The following ITGB5 variants were observed in gnomAD, a reference collection of about 807,000 sequenced individuals.
The protein encoded by ITGB5 is integrin subunit beta 5, also known as integrin beta-5.
In ITGB5, 38 loss-of-function variants were observed where a neutral mutation model predicts 84.8. The observed-to-expected ratio is 0.45, with a 90% CI of 0.35 to 0.59. The LOEUF is 0.59. Among genes scored for constraint, ITGB5 ranks in the 20% least tolerant of loss-of-function variants. The pLI, the probability that ITGB5 is intolerant of heterozygous loss-of-function variation, is 0.01. For missense variants in ITGB5, 905 were observed against 1,034.5 expected (o/e 0.87, Z 1.72); for synonymous variants, 393 against 414.4 (o/e 0.95, Z 0.63).
Position 124,873,459 on chromosome 3 carries a change from C to T in ITGB5, c.143G>A (p.Trp48Ter), listed in dbSNP as rs939109402. The T allele has an allele frequency of 6.2e-7, 1 of 1,612,836 alleles. No homozygotes were observed. The highest frequency in any genetic ancestry group is 1.3e-5 in the African/African-American group (1 of 74,872). ...CCACCTACATACCTCTTTGGAGCAC[C>T]AGGCACATTTTGGGTGGATTAGCAG... ...ECLLIHPKCAWCSKEDFGSPR... is the reference protein window; with the variant it reads ...ECLLIHPKCA The change falls in exon 2 of 15, where the codon TGG becomes TAG. Residue 48 changes from tryptophan (W) to a stop codon, truncating the protein, a stop_gained. Transcript: ENST00000296181. LOFTEE classifies it high-confidence loss of function.
chr3:124,792,320 TAAAC>T (rs1489143146), intron 10 of ITGB5: 1 of 152,156 alleles, frequency 6.6e-6, no homozygotes, highest in Non-Finnish European at 1.5e-5. Context: ...TAGAAGGAAA[TAAAC>T]TAATCTCTTA....
At chr3:124,834,568 A>AGGGG (rs1296571992) in intron 5 of ITGB5, among the ~76,000 whole-genome samples, 1 of 50,580 alleles carries the variant, frequency 2.0e-5, no homozygotes, top group African/African-American at 9.5e-5. Flanking sequence ...GGAGGGAGGG[A>AGGGG]GGAAGGAAGG....
rs181509862 is a variant in ITGB5 at position 124,782,526 on chromosome 3, A to T, written c.1694-8614T>A. Among the ~76,000 whole-genome samples, 373 of 152,342 alleles carry T rather than the reference A, an allele frequency of 2.4e-3. 4 individuals carry two copies. The highest frequency in any genetic ancestry group is 3.5e-3 in the Admixed American group (54 of 15,304). ...CTGAGTTAAGGACTGAGAGGGAGTC[A>T]GTGAAGGAAGGCAGCAAGTGTAGAC... On this transcript the variant is annotated intron_variant, in intron 10 of 14. Transcript: ENST00000296181.
At chr3:124,864,308 G>A (rs1579313834) in intron 2 of ITGB5, among the ~76,000 whole-genome samples, 2 of 151,624 alleles carry the variant, frequency 1.3e-5, no homozygotes, top group African/African-American at 2.4e-5. Flanking sequence ...GGGTTTCACC[G>A]TGTTTGCTAG....
In ITGB5 at chr3:124,796,731, C is replaced by G; in HGVS notation, c.1350G>C (p.Arg450=). The change falls in exon 10 of 15, where the codon CGG becomes CGC. Residue 450 remains arginine (R), a synonymous_variant. Coordinates refer to ENST00000296181, the MANE Select transcript of ITGB5 (RefSeq NM_002213.5). ...AGGTGACCCCCACCTCCAGGCTGTC[C>G]CGGAATCCCACCGGCCGCAGGGCAA... ...HVFALRPVGF[R]DSLEVGVTYN... 6.2e-7 allele frequency: 1 copy of G among 1,614,110 alleles called. No homozygotes were observed. The highest frequency in any genetic ancestry group is 8.5e-7 in the Non-Finnish European group (1 of 1,180,040).
rs746791574 is a variant in ITGB5 at position 124,796,364 on chromosome 3, A to T, written c.1693+24T>A. 8 of 1,581,110 alleles carry T rather than the reference A, an allele frequency of 5.1e-6. No individual in the cohort carries two copies. The African/African-American group carries it at 1.1e-4, about 21-fold the overall frequency. ...CGGCATCTTGGCCTGGCTCAGAGCT[A>T]AAGTGCTTGCTGGGGACACTTACCT... On this transcript the variant is annotated intron_variant, in intron 10 of 14. Coordinates refer to ENST00000296181, the MANE Select transcript of ITGB5 (RefSeq NM_002213.5).
At chr3:124,899,286 T>G (rs1935173263) in intron 1 of ITGB5, among the ~76,000 whole-genome samples, 1 of 152,136 alleles carries the variant, frequency 6.6e-6, no homozygotes, top group Non-Finnish European at 1.5e-5. Flanking sequence ...TAAATTTTGT[T>G]GAGGGCTTTT....
rs1408836977 is a variant in ITGB5, at chr3:124,887,098, C to T, written c.-98G>A. ...AGCGCGGGGGCCGAGGGCCGGGGGCCGCAGCCGCATGCCCCGCGCGCAGCT... is the reference window on the plus strand; with the variant it reads ...AGCGCGGGGGCCGAGGGCCGGGGGCTGCAGCCGCATGCCCCGCGCGCAGCT... On this transcript the variant is annotated 5_prime_UTR_variant, in exon 1 of 15. Transcript: ENST00000296181. The T allele has an allele frequency of 3.2e-6, 1 of 313,678 alleles. No homozygotes were observed. Among genetic ancestry groups the T allele is most frequent in the Non-Finnish European group, 4.6e-6 (1 of 218,364 alleles). The allele number at this position is 313,678 out of a possible 1,614,324, so 19.4% of individuals were successfully genotyped here.
intron 5 of ITGB5, 122 bp from the exon 6 acceptor site, chr3:124,821,596 G>T: frequency 1.9e-6 from 2 of 1,069,926 alleles, no homozygotes; most frequent in Non-Finnish European, 1.4e-6. Flanking sequence ...CTTGCCATGT[G>T]TACCTGGGGC....
chr3:124,841,509 G>C lies in ITGB5; in HGVS notation c.654C>G (p.Arg218=), dbSNP rs1416719010. Residue 218 remains arginine (R), a synonymous_variant, in exon 5 of 15, where the codon CGC becomes CGG. Coordinates refer to ENST00000296181, the MANE Select transcript of ITGB5 (RefSeq NM_002213.5). ...FPNCVPSFGF[R]HLLPLTDRVD... is the part of the protein sequence containing the mutation. ...CTCTGTCTGTGAGAGGCAGCAGATG[G>C]CGGAACCCAAAGGAGGGGACGCAAT... 1 of 1,614,176 alleles carries C rather than the reference G, an allele frequency of 6.2e-7. No homozygotes were observed. Among genetic ancestry groups the C allele is most frequent in the Admixed American group, 1.7e-5 (1 of 60,026 alleles).
chr3:124,837,820 C>T (rs1297541779), intron 5 of ITGB5, among the ~76,000 whole-genome samples: 1 of 152,206 alleles, frequency 6.6e-6, no homozygotes, highest in East Asian at 1.9e-4. Context: ...GGGAGATAGG[C>T]CTGTTATCAG....
Position 124,763,556 on chromosome 3 carries a change from C to T in ITGB5, c.*67G>A. ...AGGGAGCTGTGATCAAGCCGAGCAGCCGTGCAAGGCGTTTCAGTCTGACCT... is the reference window on the plus strand; with the variant it reads ...AGGGAGCTGTGATCAAGCCGAGCAGTCGTGCAAGGCGTTTCAGTCTGACCT... On this transcript the variant is annotated 3_prime_UTR_variant, in exon 15 of 15. Coordinates refer to ENST00000296181, the MANE Select transcript of ITGB5 (RefSeq NM_002213.5). The T allele has an allele frequency of 1.1e-6, 1 of 949,654 alleles. No homozygotes were observed. 58.8% of individuals were successfully genotyped at this position (949,654 alleles called of 1,614,324 possible).
At chr3:124,772,163 C>T (rs1369904592) in intron 11 of ITGB5, among the ~76,000 whole-genome samples, 1 of 152,170 alleles carries the variant, frequency 6.6e-6, no homozygotes, top group Admixed American at 6.5e-5. Context: ...GCTCCAGATC[C>T]AGGATCCTAA....
At chr3:124,896,372 C>T (rs566531703) in intron 1 of ITGB5, among the ~76,000 whole-genome samples, 1 of 152,296 alleles carries the variant, frequency 6.6e-6, no homozygotes, top group African/African-American at 2.4e-5. Flanking sequence ...GCCTGCAATG[C>T]TCACTAGGGG....
rs893287962 is a variant in ITGB5 at position 124,762,117 on chromosome 3, A to G, written c.*1506T>C. On this transcript the variant is annotated 3_prime_UTR_variant, in exon 15 of 15. Coordinates refer to ENST00000296181, the MANE Select transcript of ITGB5 (RefSeq NM_002213.5). The stretch of plus-strand genomic sequence containing the variant: ...TATTTACACAAGATGAAGGAAACTC[A>G]ATCTGTTCGTATTTGCCCCAGGTAA... 1.3e-5 allele frequency: 2 copies of G among 152,246 alleles called. No homozygotes were observed. Among genetic ancestry groups the G allele is most frequent in the African/African-American group, 4.8e-5 (2 of 41,474 alleles). 9.4% of individuals were successfully genotyped at this position (152,246 alleles called of 1,614,324 possible). A position where few individuals can be genotyped will look rare whatever the true frequency, so the allele number is the denominator to read the frequency against.
intron 1 of ITGB5, among the ~76,000 whole-genome samples, chr3:124,895,753 T>C (rs541223655): frequency 1.3e-5 from 2 of 152,200 alleles, no homozygotes; most frequent in Non-Finnish European, 2.9e-5. Flanking sequence ...TTCACCTGTT[T>C]GCAGTAGCTG....
intron 13 of ITGB5, 125 bp downstream of exon 13, chr3:124,766,101 C>T (rs2063763420): frequency 4.4e-6 from 4 of 916,948 alleles, no homozygotes; most frequent in East Asian, 2.6e-5. Context: ...TGTATCCCTC[C>T]TCTCCCTGCA....
intron 12 of ITGB5, among the ~76,000 whole-genome samples, chr3:124,766,670 C>T (rs989371312): frequency 5.9e-5 from 9 of 151,990 alleles, no homozygotes; most frequent in South Asian, 2.1e-4. Context: ...GGATTGGCCA[C>T]GGAAATTAAA....
At chr3:124,838,544 G>A (rs929382557) in intron 5 of ITGB5, among the ~76,000 whole-genome samples, 5 of 152,144 alleles carry the variant, frequency 3.3e-5, no homozygotes, top group African/African-American at 1.2e-4. Context: ...AGCCAAGAGA[G>A]AGCAAAGTTA....
Sources: allele counts gnomAD v4.1 joint callset (sites outside exome capture counted in the v4.1 genomes callset), GRCh38; gene constraint gnomAD v4.1.1; transcripts MANE v1.5; gene names NCBI Gene and HGNC (gene_info 2026-07-23, HGNC 2026-07-21).